The following MYZAP variants were observed in gnomAD, a reference collection of about 807,000 sequenced individuals.
MYZAP encodes GRINL1A complex locus upstream.
In MYZAP, 66 loss-of-function variants were observed where a neutral mutation model predicts 69.4. That is an observed-to-expected ratio of 0.95 (90% CI 0.78 to 1.17). The LOEUF is 1.17. Among genes scored for constraint, MYZAP ranks in the 50% most tolerant of loss-of-function variants. The probability of loss-of-function intolerance (pLI) is 0.00; values close to 1 mark genes in which losing one functional copy is unlikely to be tolerated. For synonymous variants in MYZAP, 256 were observed against 205.9 expected (o/e 1.24, Z -2.09); for missense variants, 611 against 556.2 (o/e 1.10, Z -0.99).
intron 2 of MYZAP, among the ~76,000 whole-genome samples, chr15:57,614,332 A>G (rs999803126): frequency 6.6e-5 from 10 of 152,222 alleles, no homozygotes; most frequent in Non-Finnish European, 1.0e-4. Context: ...GCTGCAATTT[A>G]CAGTTGATAG....
intron 10 of MYZAP, among the ~76,000 whole-genome samples, chr15:57,656,247 G>C (rs1430738922): frequency 1.3e-5 from 2 of 152,128 alleles, no homozygotes; most frequent in Non-Finnish European, 2.9e-5. Flanking sequence ...TTTTCCCCCT[G>C]AAGTCTATGG....
At chr15:57,653,969 T>C (rs1425127744) in intron 10 of MYZAP, among the ~76,000 whole-genome samples, 2 of 118,134 alleles carry the variant, frequency 1.7e-5, no homozygotes, top group East Asian at 5.9e-4. Context: ...TGTAGCACTA[T>C]GCTACAGCCT....
At chr15:57,615,273 A>G (rs2035359927) in intron 2 of MYZAP, among the ~76,000 whole-genome samples, 1 of 152,230 alleles carries the variant, frequency 6.6e-6, no homozygotes, top group Non-Finnish European at 1.5e-5. Context: ...TAGATGTTTT[A>G]CATACACAAA....
chr15:57,634,357 T>G (rs2036685699), intron 8 of MYZAP, among the ~76,000 whole-genome samples: 1 of 152,118 alleles, frequency 6.6e-6, no homozygotes, highest in African/African-American at 2.4e-5. Context: ...TGGGTGACCT[T>G]TAGCAGGTGA....
rs544265302 is a variant in MYZAP, at chr15:57,662,988, C to A, written c.1203+1455C>A. 5.9e-5 allele frequency among the ~76,000 whole-genome samples: 9 copies of A among 152,332 alleles called. No homozygotes were observed. In the South Asian group the frequency reaches 1.7e-3, roughly 28 times the overall value. ...CCATTTCCACTCCTGTCTTCCCTGC[C>A]ACAGTCATTGGCTCAGTGCCAGCCT... On this transcript the variant is annotated intron_variant, in intron 11 of 12. Coordinates refer to ENST00000267853, the MANE Select transcript of MYZAP (RefSeq NM_001018100.5).
At chr15:57,600,761 T>TA (rs1167069728) in intron 1 of MYZAP, among the ~76,000 whole-genome samples, 2 of 152,162 alleles carry the variant, frequency 1.3e-5, no homozygotes, top group Non-Finnish European at 2.9e-5. Context: ...TTGAAGCATA[T>TA]AGGATGATGA....
intron 3 of MYZAP, among the ~76,000 whole-genome samples, chr15:57,619,386 T>G (rs1047503887): frequency 3.9e-5 from 6 of 152,228 alleles, no homozygotes; most frequent in African/African-American, 7.2e-5. Context: ...AGCGTCTCAC[T>G]CTGTCATCCA....
chr15:57,658,274 A>G (rs955867922), intron 10 of MYZAP, among the ~76,000 whole-genome samples: 6 of 152,142 alleles, frequency 3.9e-5, no homozygotes, highest in Non-Finnish European at 2.9e-5. Context: ...GACATTCTGC[A>G]TATGTTTCCT....
chr15:57,619,276 A>C (rs564655536), intron 3 of MYZAP, among the ~76,000 whole-genome samples: 1 of 152,262 alleles, frequency 6.6e-6, no homozygotes, highest in African/African-American at 2.4e-5. Context: ...ATTAGCACGC[A>C]TATACATAAT....
rs192433657 is a variant in MYZAP at position 57,604,839 on chromosome 15, C to T, written c.162+484C>T. 5.8e-4 allele frequency among the ~76,000 whole-genome samples: 89 copies of T among 152,276 alleles called. 1 individual carries two copies. The highest frequency in any genetic ancestry group is 2.1e-3 in the African/African-American group (87 of 41,562). On this transcript the variant is annotated intron_variant, in intron 2 of 12. Coordinates refer to ENST00000267853, the MANE Select transcript of MYZAP (RefSeq NM_001018100.5). ...TTCTTGGCTGGGGGTAGGAGGCATTCGGCAAACATTTTTGTGACAGCTCCT... is the reference window on the plus strand; with the variant it reads ...TTCTTGGCTGGGGGTAGGAGGCATTTGGCAAACATTTTTGTGACAGCTCCT...
At position 57,632,605 on chromosome 15, in the gene MYZAP, G is replaced by T. The variant is rs773965700; in HGVS notation, c.804+46G>T. On this transcript the variant is annotated intron_variant, in intron 7 of 12. Transcript: ENST00000267853. ...GATGTAAACTTACCGGGAATTGTTG[G>T]TTCATTATTGTTGGTGATGTATACG... 8 of 1,609,248 alleles carry T rather than the reference G, an allele frequency of 5.0e-6. No individual in the cohort carries two copies. In the East Asian group the frequency reaches 1.1e-4, roughly 22 times the overall value.
chr15:57,631,661 T>G (rs1459752418), intron 6 of MYZAP, among the ~76,000 whole-genome samples: 2 of 152,252 alleles, frequency 1.3e-5, no homozygotes, highest in East Asian at 3.9e-4. Context: ...GTGCCAACAC[T>G]TACCCAGTGA....
At chr15:57,675,206 G>A in intron 12 of MYZAP, 138 bp downstream of exon 12, 1 of 811,840 alleles carries the variant, frequency 1.2e-6, no homozygotes, top group Non-Finnish European at 1.9e-6. Flanking sequence ...TGGCTGCTGA[G>A]AGGCTTGACT....
In MYZAP at chr15:57,621,008, AT is replaced by A. The variant is rs368645216; in HGVS notation, c.319-597del. ...ATGTAATTAATATATATTAGCATAT[AT>A]TTGATATATTCTATATTAATATATG... On this transcript the variant is annotated intron_variant, in intron 3 of 12. Coordinates refer to ENST00000267853, the MANE Select transcript of MYZAP (RefSeq NM_001018100.5). Among the ~76,000 whole-genome samples the A allele has an allele frequency of 8.1e-3, 1,193 of 147,898 alleles. 11 individuals carry two copies. Among genetic ancestry groups the A allele is most frequent in the South Asian group, 0.045 (213 of 4,768 alleles).
intron 5 of MYZAP, among the ~76,000 whole-genome samples, chr15:57,626,879 C>G (rs2140417261): frequency 6.6e-6 from 1 of 152,332 alleles, no homozygotes; most frequent in Non-Finnish European, 1.5e-5. Flanking sequence ...CTGCGATGCC[C>G]ATTTCTGGTG....
rs1340522577 is a variant in MYZAP, at chr15:57,618,018, C to T, written c.163-15C>T. The T allele has an allele frequency of 7.5e-6, 12 of 1,601,950 alleles. No individual in the cohort carries two copies. The highest frequency in any genetic ancestry group is 3.5e-5 in the Admixed American group (2 of 56,650). On this transcript the variant is annotated splice_polypyrimidine_tract_variant and intron_variant, in intron 2 of 12. Coordinates refer to ENST00000267853, the MANE Select transcript of MYZAP (RefSeq NM_001018100.5). Reference sequence around the variant, plus strand: ...AGAGTCATTATTCTTTTTTTCTTTTCCTACTTTCTTTTAGCTTCTTGACCT... The same window carrying T: ...AGAGTCATTATTCTTTTTTTCTTTTTCTACTTTCTTTTAGCTTCTTGACCT...
At chr15:57,636,354 T>G (rs2036817442) in intron 8 of MYZAP, among the ~76,000 whole-genome samples, 1 of 152,218 alleles carries the variant, frequency 6.6e-6, no homozygotes, top group Non-Finnish European at 1.5e-5. Flanking sequence ...ATTTCAGAGA[T>G]AATATATTCT....
At chr15:57,625,940 A>G (rs1013885059) in intron 5 of MYZAP, 48 bp downstream of exon 5, 1 of 1,539,662 alleles carries the variant, frequency 6.5e-7, no homozygotes, top group Non-Finnish European at 9.0e-7. Flanking sequence ...CTTAATCAAG[A>G]GTGGGGACTG....
intron 10 of MYZAP, 28 bp from the exon 11 acceptor site, chr15:57,661,422 T>C: frequency 6.5e-7 from 1 of 1,545,322 alleles, no homozygotes; most frequent in Non-Finnish European, 8.9e-7. Flanking sequence ...CATTTTTGAT[T>C]AACAATTTTC....
Sources: allele counts gnomAD v4.1 joint callset (sites outside exome capture counted in the v4.1 genomes callset), GRCh38; gene constraint gnomAD v4.1.1; transcripts MANE v1.5; gene names NCBI Gene and HGNC (gene_info 2026-07-23, HGNC 2026-07-21).